Variants in SORBS2 observed in about 807,000 individuals in gnomAD.
SORBS2 encodes the protein sorbin and SH3 domain containing 2, also known as sorbin and SH3 domain-containing protein 2.
SORBS2 carries 46 observed loss-of-function variants against 97.7 expected under a neutral mutation model. That is an observed-to-expected ratio of 0.47 (90% confidence interval 0.37 to 0.60). The LOEUF is 0.60. Ranked by LOEUF, SORBS2 falls within the 20% of genes least tolerant of loss-of-function variation. SORBS2 has a pLI of 0.00. For missense variants in SORBS2, 1,316 were observed against 1,282.3 expected, an observed-to-expected ratio of 1.03 and a Z score of -0.40; for synonymous variants, 476 against 473.4, an observed-to-expected ratio of 1.01 and a Z score of -0.07.
At chr4:185,849,826 A>C (rs1333116767) in intron 1 of SORBS2, among the ~76,000 whole-genome samples, 1 of 152,236 alleles carries the variant, frequency 6.6e-6, no homozygotes, top group Non-Finnish European at 1.5e-5. Context: ...GTTGATGGCC[A>C]AACCACTTAA....
At chr4:185,687,787 T>C (rs2097998170) in intron 2 of SORBS2, among the ~76,000 whole-genome samples, 1 of 152,232 alleles carries the variant, frequency 6.6e-6, no homozygotes, top group Non-Finnish European at 1.5e-5. Context: ...CTTGAGGCAT[T>C]TGTAAAATTG....
chr4:185,868,153 TTCTTTC>T (rs1376586977), intron 1 of SORBS2, among the ~76,000 whole-genome samples: 18 of 99,864 alleles, frequency 1.8e-4, no homozygotes, highest in Non-Finnish European at 2.4e-4. Context: ...TTTTCTTTTT[TTCTTTC>T]TTTTTTTTTT....
intron 1 of SORBS2, among the ~76,000 whole-genome samples, chr4:185,940,741 C>T (rs77411320): frequency 0.047 from 7,190 of 152,234 alleles, 470 homozygotes; most frequent in African/African-American, 0.15. Context: ...CTCTACAGAG[C>T]AGTCTCCCCC....
At chr4:185,854,323 C>T (rs1407238604) in intron 1 of SORBS2, among the ~76,000 whole-genome samples, 2 of 152,154 alleles carry the variant, frequency 1.3e-5, no homozygotes, top group African/African-American at 4.8e-5. Context: ...TCTAAGAGGT[C>T]ACTGAAGTAG....
At chr4:185,931,904 G>T (rs1295149847) in intron 1 of SORBS2, among the ~76,000 whole-genome samples, 1 of 151,900 alleles carries the variant, frequency 6.6e-6, no homozygotes, top group Non-Finnish European at 1.5e-5. Context: ...GGAGTTAAGA[G>T]AAAGTGAGTA....
At chr4:185,622,083 T>C (rs143420359) in intron 7 of SORBS2, among the ~76,000 whole-genome samples, 70 of 152,358 alleles carry the variant, frequency 4.6e-4, no homozygotes, top group Middle Eastern at 3.4e-3. Flanking sequence ...GTCACAAATA[T>C]TAAAACACCC....
At chr4:185,917,834 T>C (rs929653127) in intron 1 of SORBS2, among the ~76,000 whole-genome samples, 1 of 152,076 alleles carries the variant, frequency 6.6e-6, no homozygotes, top group African/African-American at 2.4e-5. Flanking sequence ...TCCCTGACAT[T>C]TGGTCACTGA....
chr4:185,752,306 C>T (rs761372965), intron 2 of SORBS2, among the ~76,000 whole-genome samples: 7 of 152,206 alleles, frequency 4.6e-5, no homozygotes, highest in Middle Eastern at 3.4e-3. Context: ...GACAGAGTCT[C>T]GCTCTGTCGC....
chr4:185,844,348 C>A (rs533466912), intron 1 of SORBS2, among the ~76,000 whole-genome samples: 1 of 152,122 alleles, frequency 6.6e-6, no homozygotes, highest in African/African-American at 2.4e-5. Flanking sequence ...GGCAGACACA[C>A]GAAAAGATGC....
chr4:185,765,797 A>G (rs1447320427), intron 2 of SORBS2, among the ~76,000 whole-genome samples: 4 of 152,236 alleles, frequency 2.6e-5, no homozygotes, highest in African/African-American at 7.2e-5. Flanking sequence ...CTTTTTCCAC[A>G]TAAAAGTCTA....
At chr4:185,746,379 C>A (rs2098760680) in intron 2 of SORBS2, among the ~76,000 whole-genome samples, 1 of 152,120 alleles carries the variant, frequency 6.6e-6, no homozygotes, top group African/African-American at 2.4e-5. Flanking sequence ...GGCAGTGGCA[C>A]CATCTTGGCT....
At chr4:185,921,056 T>C (rs188236459) in intron 1 of SORBS2, among the ~76,000 whole-genome samples, 88 of 152,320 alleles carry the variant, frequency 5.8e-4, no homozygotes, top group African/African-American at 2.0e-3. Flanking sequence ...GCTGATACTT[T>C]CCTTGTCAAT....
chr4:185,717,145 C>T (rs542270807), intron 2 of SORBS2, among the ~76,000 whole-genome samples: 3 of 152,314 alleles, frequency 2.0e-5, no homozygotes, highest in African/African-American at 7.2e-5. Flanking sequence ...CGTGGGAGCG[C>T]CGCTGTCTTC....
chr4:185,943,570 A>T (rs2099273129), intron 1 of SORBS2, among the ~76,000 whole-genome samples: 1 of 152,240 alleles, frequency 6.6e-6, no homozygotes, highest in South Asian at 2.1e-4. Flanking sequence ...TTTACAAGAC[A>T]ATTGGCCTGT....
chr4:185,662,179 G>A, exon 5 of SORBS2: 2 of 1,614,064 alleles, frequency 1.2e-6, no homozygotes, highest in Non-Finnish European at 1.7e-6. Flanking sequence ...GGGGAAAACG[G>A]CCTCTGATAG....
intron 12 of SORBS2, among the ~76,000 whole-genome samples, chr4:185,605,367 C>T (rs1484981947): frequency 6.6e-6 from 1 of 152,262 alleles, no homozygotes; most frequent in Non-Finnish European, 1.5e-5. Flanking sequence ...ACTGCAACCT[C>T]CGCCTCCCGG....
chr4:185,789,878 G>C (rs943753741), intron 1 of SORBS2, among the ~76,000 whole-genome samples: 1 of 152,120 alleles, frequency 6.6e-6, no homozygotes, highest in African/African-American at 2.4e-5. Flanking sequence ...TAGTGCATTT[G>C]GAAATGAGTT....
chr4:185,597,454 C>T (rs566338225), intron 12 of SORBS2, among the ~76,000 whole-genome samples: 21 of 152,306 alleles, frequency 1.4e-4, no homozygotes, highest in Admixed American at 4.6e-4. Flanking sequence ...AATTCAACTC[C>T]ATTTTGCAGA....
At chr4:185,794,911 G>A (rs2099097908) in intron 1 of SORBS2, among the ~76,000 whole-genome samples, 1 of 152,118 alleles carries the variant, frequency 6.6e-6, no homozygotes, top group Admixed American at 6.5e-5. Context: ...TTCACCTCCA[G>A]CCAGGAAGAG....
Sources: gnomAD v4.1 joint callset for allele counts (sites outside exome capture counted in the v4.1 genomes callset) on GRCh38, gnomAD v4.1.1 for gene constraint, MANE v1.5 for transcripts, NCBI Gene and HGNC (gene_info 2026-07-23, HGNC 2026-07-21) for gene names.